The following STARD9 variants were observed in gnomAD, a reference collection of about 807,000 sequenced individuals.
STARD9 encodes stAR-related lipid transfer protein 9.
In STARD9, 346 loss-of-function variants were observed where a neutral mutation model predicts 399.8. That is an observed-to-expected ratio of 0.87 (90% CI 0.79 to 0.95). The LOEUF (loss-of-function observed/expected upper bound fraction) is 0.95. Among genes scored for constraint, STARD9 ranks in the 40% least tolerant of loss-of-function variants. The pLI, the probability that STARD9 is intolerant of heterozygous loss-of-function variation, is 0.00. For synonymous variants in STARD9, 2,203 were observed against 2,143.5 expected (o/e 1.03, Z -0.77); for missense variants, 5,832 against 5,667.5 (o/e 1.03, Z -0.93).
chr15:42,654,432 G>A (rs2059822969), intron 9 of STARD9, among the ~76,000 whole-genome samples: 1 of 152,072 alleles, frequency 6.6e-6, no homozygotes, highest in African/African-American at 2.4e-5. Context: ...CCTAGCTAGA[G>A]TAATGAGACA....
At chr15:42,709,968 C>T (rs942632962) in intron 26 of STARD9, among the ~76,000 whole-genome samples, 7 of 151,512 alleles carry the variant, frequency 4.6e-5, no homozygotes, top group African/African-American at 1.7e-4. Context: ...ACAGTACTGT[C>T]ATTATTAATT....
chr15:42,713,312 A>G (rs990309257), intron 26 of STARD9, among the ~76,000 whole-genome samples: 2 of 152,218 alleles, frequency 1.3e-5, no homozygotes, highest in Admixed American at 1.3e-4. Context: ...GAATTCATTT[A>G]TTAGTTCTGA....
intron 20 of STARD9, among the ~76,000 whole-genome samples, chr15:42,677,806 A>G (rs549882810): frequency 6.6e-6 from 1 of 152,152 alleles, no homozygotes; most frequent in East Asian, 1.9e-4. Flanking sequence ...GTGCAGACAC[A>G]CCCCACAGCC....
At chr15:42,695,509 G>A (rs2060823644) in intron 25 of STARD9, among the ~76,000 whole-genome samples, 186 bp downstream of exon 25, 2 of 152,336 alleles carry the variant, frequency 1.3e-5, no homozygotes, top group East Asian at 1.9e-4. Context: ...CTTTCCCCAG[G>A]CCACGGCCTG....
At chr15:42,592,545 A>C (rs988813917) in intron 3 of STARD9, among the ~76,000 whole-genome samples, 1 of 151,918 alleles carries the variant, frequency 6.6e-6, no homozygotes, top group Non-Finnish European at 1.5e-5. Context: ...TCCGGTTTCT[A>C]GCAATTCTCC....
intron 18 of STARD9, chr15:42,675,417 A>G (rs781745900): frequency 1.2e-5 from 6 of 519,674 alleles, no homozygotes; most frequent in Non-Finnish European, 2.1e-5. Context: ...CTCTTCCATC[A>G]AGTGTTCCCT....
chr15:42,656,184 T>A (rs972859279), intron 9 of STARD9, among the ~76,000 whole-genome samples: 1 of 151,690 alleles, frequency 6.6e-6, no homozygotes, highest in Admixed American at 6.6e-5. Flanking sequence ...GGCGAAATGC[T>A]GTATCTACTA....
rs550493975 is a variant in STARD9, at chr15:42,703,648, C to T, written c.13284+7768C>T. Among the ~76,000 whole-genome samples the T allele has an allele frequency of 2.2e-3, 330 of 151,940 alleles. 1 individual carries two copies. Among genetic ancestry groups the T allele is most frequent in the African/African-American group, 7.8e-3 (325 of 41,458 alleles). ...TCGGCCTCCCAAAATACTAGGATTACAGGCGTGGGCCACCGCGCCTGGCCA... is the reference window on the plus strand; with the variant it reads ...TCGGCCTCCCAAAATACTAGGATTATAGGCGTGGGCCACCGCGCCTGGCCA... On this transcript the variant is annotated intron_variant, in intron 26 of 32. Coordinates refer to ENST00000290607, the MANE Select transcript of STARD9 (RefSeq NM_020759.3).
At chr15:42,619,587 G>A (rs1196692160) in intron 3 of STARD9, among the ~76,000 whole-genome samples, 3 of 151,686 alleles carry the variant, frequency 2.0e-5, no homozygotes, top group Non-Finnish European at 4.4e-5. Flanking sequence ...GGAACATGCA[G>A]CCTAGAACCC....
At chr15:42,640,658 A>C (rs1476272667) in intron 7 of STARD9, among the ~76,000 whole-genome samples, 1 of 151,912 alleles carries the variant, frequency 6.6e-6, no homozygotes, top group Non-Finnish European at 1.5e-5. Context: ...TGTCTCTACT[A>C]AAAATTCAAA....
At chr15:42,682,792 CT>C (rs1487355734) in intron 22 of STARD9, among the ~76,000 whole-genome samples, 1 of 152,174 alleles carries the variant, frequency 6.6e-6, no homozygotes, top group African/African-American at 2.4e-5. Flanking sequence ...TCCTTACCCC[CT>C]GAGTAGCAAT....
At chr15:42,659,840 T>C (rs1221367654) in intron 9 of STARD9, among the ~76,000 whole-genome samples, 2 of 152,192 alleles carry the variant, frequency 1.3e-5, no homozygotes, top group Non-Finnish European at 2.9e-5. Context: ...TTTCTTAAAA[T>C]GTATACCTAC....
chr15:42,584,900 A>G (rs898831506), intron 2 of STARD9, among the ~76,000 whole-genome samples: 1 of 152,194 alleles, frequency 6.6e-6, no homozygotes, highest in Non-Finnish European at 1.5e-5. Flanking sequence ...AAAATTTGAA[A>G]TCTGAAATCC....
At position 42,687,438 on chromosome 15, in the gene STARD9, C is replaced by T. The variant is rs1595774588; in HGVS notation, c.5860C>T (p.Arg1954Cys). 4.6e-6 allele frequency: 7 copies of T among 1,537,120 alleles called. No homozygotes were observed. Among genetic ancestry groups the T allele is most frequent in the East Asian group, 4.9e-5 (2 of 40,910 alleles). ...TTCTTTGAAATCCAGATCAGTAGAT[C>T]GTAGAGTAAGCAGCCCAGTGATGGT... is the stretch of plus-strand genomic sequence containing the variant. ...AVSLKSRSVD[R>C]RVSSPVMVAQ... The change falls in exon 23 of 33, where the codon CGT becomes TGT. Residue 1954 changes from arginine (R) to cysteine (C), a missense_variant. Transcript: ENST00000290607.
Position 42,708,778 on chromosome 15 carries a change from G to A in STARD9, c.13285-7899G>A, listed in dbSNP as rs192375765. Among the ~76,000 whole-genome samples, 30 of 151,806 alleles carry A rather than the reference G, an allele frequency of 2.0e-4. 1 individual carries two copies. The East Asian group carries it at 5.6e-3, about 28-fold the overall frequency. ...GTGAAAACCCGATCGTCATGCTTAC[G>A]AACTACAAAAGGATCGTGTCTGTGG... is the stretch of plus-strand genomic sequence containing the variant. On this transcript the variant is annotated intron_variant, in intron 26 of 32. Transcript: ENST00000290607.
intron 26 of STARD9, among the ~76,000 whole-genome samples, chr15:42,701,893 C>T (rs960614691): frequency 8.1e-5 from 12 of 147,498 alleles, no homozygotes; most frequent in African/African-American, 2.5e-4. Flanking sequence ...TCCTGGGAGG[C>T]TGAGGCAGGA....
At chr15:42,653,741 T>C (rs1012014741) in intron 9 of STARD9, among the ~76,000 whole-genome samples, 4 of 152,194 alleles carry the variant, frequency 2.6e-5, no homozygotes, top group African/African-American at 9.6e-5. Flanking sequence ...AAGAAAGTGA[T>C]ATTAGAAAGT....
At position 42,685,072 on chromosome 15, in the gene STARD9, G is replaced by T. The variant is rs528353907; in HGVS notation, c.3494G>T (p.Gly1165Val). ...RYQSPKNRLG[G>V]NRPTNNRGQP... ...CAAAGCCCCAAAAACAGGCTAGGGG[G>T]CAATCGTCCCACCAACAACCGTGGC... The change falls in exon 23 of 33, where the codon GGC becomes GTC. Residue 1165 changes from glycine (G) to valine (V), a missense_variant. Gly to Val is a moderately radical substitution (Grantham distance 109). Coordinates refer to ENST00000290607, the MANE Select transcript of STARD9 (RefSeq NM_020759.3). 5.2e-6 allele frequency: 8 copies of T among 1,537,174 alleles called. No homozygotes were observed. The African/African-American group carries it at 8.2e-5, about 16-fold the overall frequency.
chr15:42,657,594 A>C (rs2059902313), intron 9 of STARD9, among the ~76,000 whole-genome samples: 1 of 152,240 alleles, frequency 6.6e-6, no homozygotes, highest in South Asian at 2.1e-4. Flanking sequence ...AACCAAACAG[A>C]AATCAGTGAG....
Sources: allele counts gnomAD v4.1 joint callset (sites outside exome capture counted in the v4.1 genomes callset), GRCh38; gene constraint gnomAD v4.1.1; transcripts MANE v1.5; gene names NCBI Gene and HGNC (gene_info 2026-07-23, HGNC 2026-07-21).